The following HERC1 variants were observed in gnomAD, a reference collection of about 807,000 sequenced individuals.
The protein encoded by HERC1 is probable E3 ubiquitin-protein ligase HERC1.
Under a neutral mutation model 554.3 loss-of-function variants are expected in HERC1, and 160 were observed. The observed-to-expected ratio is 0.29, with a 90% confidence interval of 0.25 to 0.33. HERC1 has a LOEUF of 0.33. Ranked by LOEUF, HERC1 falls within the 10% of genes least tolerant of loss-of-function variation. The pLI is 1.00. For missense variants in HERC1, 4,919 were observed against 5,918.5 expected (o/e 0.83, Z 5.54); for synonymous variants, 2,175 against 2,131.7 (o/e 1.02, Z -0.56).
At chr15:63,790,219 T>C (rs1368491979) in intron 1 of HERC1, among the ~76,000 whole-genome samples, 1 of 152,216 alleles carries the variant, frequency 6.6e-6, no homozygotes, top group Non-Finnish European at 1.5e-5. Context: ...GCTATTATGA[T>C]CATTATCATT....
chr15:63,718,418 C>G lies in HERC1; in HGVS notation c.3978+156G>C. 1 of 676,584 alleles carries G rather than the reference C, an allele frequency of 1.5e-6. No homozygotes were observed. Among genetic ancestry groups the G allele is most frequent in the Non-Finnish European group, 2.3e-6 (1 of 440,602 alleles). 41.9% of individuals were successfully genotyped at this position (676,584 alleles called of 1,614,324 possible). On this transcript the variant is annotated intron_variant, in intron 21 of 77. Coordinates refer to ENST00000443617, the MANE Select transcript of HERC1 (RefSeq NM_003922.4). The surrounding 1 kb of genome is among the most constrained non-coding windows in gnomAD (Gnocchi z 4.2). ...ATGTGAGGTTAAGTAAATCTCAAAT[C>G]TTTTCCTTTTTTTTTTTCTGCTAGG...
intron 23 of HERC1, 145 bp from the exon 24 acceptor site, chr15:63,713,040 C>T (rs889419840): frequency 9.7e-6 from 8 of 821,070 alleles, no homozygotes; most frequent in South Asian, 3.7e-5. Context: ...CTTGTCTGAG[C>T]ACAAAGACCT....
chr15:63,730,092 T>TA (rs2074223320), intron 14 of HERC1, among the ~76,000 whole-genome samples: 1 of 146,022 alleles, frequency 6.8e-6, no homozygotes, highest in Non-Finnish European at 1.5e-5. Context: ...GTATTTGCTA[T>TA]AACCCTTATG....
chr15:63,659,108 C>T (rs1394646390), intron 47 of HERC1, among the ~76,000 whole-genome samples: 1 of 152,146 alleles, frequency 6.6e-6, no homozygotes, highest in East Asian at 1.9e-4. Flanking sequence ...ATTTACCACA[C>T]CCTCTCACCC....
At position 63,638,400 on chromosome 15, in the gene HERC1, C is replaced by T; in HGVS notation, c.12093+11G>A. 6.2e-7 allele frequency: 1 copy of T among 1,605,304 alleles called. No individual in the cohort carries two copies. Among genetic ancestry groups the T allele is most frequent in the Non-Finnish European group, 8.5e-7 (1 of 1,176,914 alleles). ...CCATGTTTCTTTTCTATTTTTTATC[C>T]TGTTAGTTACCTGTTGGGCCTGTGA... On this transcript the variant is annotated intron_variant, in intron 63 of 77. Transcript: ENST00000443617.
At position 63,641,943 on chromosome 15, in the gene HERC1, C is replaced by G. The variant is rs7402318; in HGVS notation, c.11434-300G>C. ...CAGAACCTGCAGAATAAGGCATCTA[C>G]TATATTTCAAAAGTCATGTCTGACA... On this transcript the variant is annotated intron_variant, in intron 59 of 77. Transcript: ENST00000443617. Among the ~76,000 whole-genome samples, 152,276 of 152,280 alleles carry G rather than the reference C, an allele frequency of 1. 76,136 individuals are homozygous for G. Among genetic ancestry groups the G allele is most frequent in the Non-Finnish European group, 1 (68,038 of 68,038 alleles).
At position 63,747,855 on chromosome 15, in the gene HERC1, T is replaced by C; in HGVS notation, c.2223A>G (p.Gln741=). ...LAWTALPRDR[Q]VVAWHRPYCV... is the part of the protein sequence containing the mutation. ...AATAAGGTCGGTGCCATGCAACAAC[T>C]TGTCTAGAAGGACACATAAGAAAAT... Residue 741 remains glutamine (Q), a synonymous_variant, in exon 11 of 78, where the codon CAA becomes CAG. Coordinates refer to ENST00000443617, the MANE Select transcript of HERC1 (RefSeq NM_003922.4). The C allele has an allele frequency of 6.5e-7, 1 of 1,547,284 alleles. No homozygotes were observed. The highest frequency in any genetic ancestry group is 1.2e-5 in the South Asian group (1 of 83,656).
At chr15:63,636,984 T>C (rs1473960332) in intron 64 of HERC1, 3 of 372,260 alleles carry the variant, frequency 8.1e-6, no homozygotes, top group Non-Finnish European at 1.6e-5. Flanking sequence ...TTGTATGCTT[T>C]TACCTAAAAA....
intron 54 of HERC1, among the ~76,000 whole-genome samples, chr15:63,649,272 G>C (rs1271684507): frequency 6.6e-6 from 1 of 152,144 alleles, no homozygotes; most frequent in Non-Finnish European, 1.5e-5. Context: ...AGAATAGCTT[G>C]AACCAGGGAG....
chr15:63,694,224 A>C lies in HERC1; in HGVS notation c.5481-67T>G. ...AAGGGCAAGCATAGTGCTTAAATAC[A>C]TAAAGCAGATTAGAGGGAAAGGGGG... On this transcript the variant is annotated intron_variant, in intron 29 of 77. Transcript: ENST00000443617. This position sits in a 1 kb window ranked among gnomAD's most constrained non-coding sequence, Gnocchi z 4.3. 1 of 1,563,408 alleles carries C rather than the reference A, an allele frequency of 6.4e-7. No homozygotes were observed.
At chr15:63,679,547 C>G (rs1416629051) in intron 36 of HERC1, among the ~76,000 whole-genome samples, 1 of 152,136 alleles carries the variant, frequency 6.6e-6, no homozygotes, top group Non-Finnish European at 1.5e-5. Context: ...TACCCACCAG[C>G]ACAGGGAGAT....
rs1555454978 is a variant in HERC1 at position 63,826,814 on chromosome 15, A to AATATATATATAT, written c.-27+7001_-27+7012dup. The stretch of plus-strand genomic sequence containing the variant: ...AAAAAAAAAAAAAAAAAAAAAAAAA[A>AATATATATATAT]ATATATATATATATATATATATATA... On this transcript the variant is annotated intron_variant, in intron 1 of 77. Coordinates refer to ENST00000443617, the MANE Select transcript of HERC1 (RefSeq NM_003922.4). Among the ~76,000 whole-genome samples, 24 of 22,250 alleles carry AATATATATATAT rather than the reference A, an allele frequency of 1.1e-3. 2 individuals are homozygous for AATATATATATAT. Among genetic ancestry groups the AATATATATATAT allele is most frequent in the East Asian group, 3.4e-3 (2 of 588 alleles). The allele number at this position is 22,250 out of a possible 152,430, so 14.6% of individuals were successfully genotyped here.
At chr15:63,675,210 C>T in intron 37 of HERC1, 93 bp from the exon 38 acceptor site, 3 of 1,003,968 alleles carry the variant, frequency 3.0e-6, no homozygotes, top group Non-Finnish European at 4.4e-6. Context: ...TAAGGTGCAT[C>T]ATGTACACAA....
At chr15:63,728,459 A>T (rs1176044289) in intron 16 of HERC1, among the ~76,000 whole-genome samples, 1 of 152,242 alleles carries the variant, frequency 6.6e-6, no homozygotes, top group Admixed American at 6.5e-5. Context: ...TGGAACAGCC[A>T]AATGGAGGTA....
In HERC1 at chr15:63,681,649, A is replaced by G. The variant is rs1423570318; in HGVS notation, c.6226-873T>C. 2.0e-5 allele frequency among the ~76,000 whole-genome samples: 3 copies of G among 152,104 alleles called. No individual in the cohort carries two copies. In the East Asian group the frequency reaches 5.8e-4, roughly 29 times the overall value. Reference sequence around the variant, plus strand: ...GCTCACTGACCTAGAACATTTAAACACACAATGTGGTTTATGCTGAATACC... The same window carrying G: ...GCTCACTGACCTAGAACATTTAAACGCACAATGTGGTTTATGCTGAATACC... On this transcript the variant is annotated intron_variant, in intron 34 of 77. Transcript: ENST00000443617.
intron 24 of HERC1, 106 bp downstream of exon 24, chr15:63,712,662 TGAAAAAA>T: frequency 1.1e-6 from 1 of 889,796 alleles, no homozygotes. Context: ...AAGTTATTTT[TGAAAAAA>T]TTTTTATATG....
At chr15:63,637,126 C>T (rs2068817822) in intron 64 of HERC1, 1 of 457,348 alleles carries the variant, frequency 2.2e-6, no homozygotes, top group Admixed American at 2.3e-5. Flanking sequence ...TGAAGATGTC[C>T]TTTAAAGTCT....
chr15:63,640,348 T>G lies in HERC1; in HGVS notation c.11705A>C (p.Asn3902Thr), dbSNP rs1302189250. Residue 3902 changes from asparagine (N) to threonine (T), a missense_variant, in exon 61 of 78, where the codon AAC becomes ACC. Physicochemically the swap from Asn to Thr is moderately conservative, Grantham distance 65. Around this residue, in one of 11 missense-constraint regions of HERC1, gnomAD observed 1,963 missense variants for 2,228.6 expected, o/e 0.88. Transcript: ENST00000443617. The part of the protein sequence containing the change: ...VGLHLDQLLC[N>T]PPVPPHHQNC... ...CTGGTGGTGTGGTGGCACTGGAGGG[T>G]TACACAACAGCTGATCCAGATGAAG... 1.2e-6 allele frequency: 2 copies of G among 1,613,518 alleles called. No individual in the cohort carries two copies. Among genetic ancestry groups the G allele is most frequent in the Non-Finnish European group, 1.7e-6 (2 of 1,179,754 alleles).
Position 63,755,254 on chromosome 15 carries a change from C to G in HERC1, c.1605G>C (p.Trp535Cys). The G allele has an allele frequency of 6.2e-7, 1 of 1,613,074 alleles. No homozygotes were observed. The highest frequency in any genetic ancestry group is 1.3e-5 in the African/African-American group (1 of 75,008). ...CTAATCTTCCAAAGTCTCCTTCACC[C>G]CATGTGTATAATTCCCCATCCTCTG... ...AVTEDGELYT[W>C]GEGDFGRLGH... is the part of the protein sequence containing the mutation. The change falls in exon 6 of 78, where the codon TGG becomes TGC. Residue 535 changes from tryptophan to cysteine, a missense_variant. This residue lies in a region of HERC1 where 744 missense variants were observed against 1,090.0 expected (regional missense o/e 0.68). Coordinates refer to ENST00000443617, the MANE Select transcript of HERC1 (RefSeq NM_003922.4).
Sources: allele counts gnomAD v4.1 joint callset (sites outside exome capture counted in the v4.1 genomes callset), GRCh38; gene constraint gnomAD v4.1.1; regional missense constraint gnomAD v4.1.1; non-coding constraint Gnocchi (gnomAD v3.1); transcripts MANE v1.5; gene names NCBI Gene and HGNC (gene_info 2026-07-23, HGNC 2026-07-21).